The following TBX5 variants were observed in gnomAD, a reference collection of about 807,000 sequenced individuals.
The protein encoded by TBX5 is T-box transcription factor TBX5.
TBX5 carries 8 observed loss-of-function variants against 51.1 expected under a neutral mutation model. The observed-to-expected ratio is 0.16, with a 90% CI of 0.09 to 0.28. The LOEUF is 0.28. TBX5 is among the 10% of genes least tolerant of loss of function. TBX5 has a pLI of 1.00. For synonymous variants in TBX5, 302 were observed against 266.4 expected (o/e 1.13, Z -1.30); for missense variants, 589 against 671.7 (o/e 0.88, Z 1.36).
At chr12:114,370,004 C>A (rs945937298) in intron 7 of TBX5, among the ~76,000 whole-genome samples, 18 of 152,018 alleles carry the variant, frequency 1.2e-4, no homozygotes, top group Admixed American at 5.2e-4. Context: ...CCTGTAATTC[C>A]AGCACTTTGG....
At chr12:114,392,598 C>T (rs1187943586) in intron 6 of TBX5, among the ~76,000 whole-genome samples, 1 of 152,146 alleles carries the variant, frequency 6.6e-6, no homozygotes, top group Non-Finnish European at 1.5e-5. Context: ...TCCTATCCTC[C>T]TGTATGAACC....
intron 8 of TBX5, 175 bp downstream of exon 8, chr12:114,365,990 G>A (rs1869507960): frequency 7.8e-6 from 6 of 770,238 alleles, no homozygotes; most frequent in Non-Finnish European, 1.3e-5. Context: ...CATGTCAAGG[G>A]AACTTTTTGT....
In TBX5 at chr12:114,355,688, G is replaced by T; in HGVS notation, c.1401C>A (p.Val467=). ...GGCCAGTCTGAGGCCCACACTGCCT[G>T]ACCACAGGCTGGTGGGCCACGGAGG... ...HQTSVAHQPV[V]RQCGPQTGLQ... Residue 467 remains valine (V), a synonymous_variant, in exon 9 of 9, where the codon GTC becomes GTA. Transcript: ENST00000405440. 6.2e-7 allele frequency: 1 copy of T among 1,614,096 alleles called. No individual in the cohort carries two copies. Among genetic ancestry groups the T allele is most frequent in the South Asian group, 1.1e-5 (1 of 91,062 alleles).
chr12:114,383,309 G>A (rs1870615676), intron 7 of TBX5, among the ~76,000 whole-genome samples: 2 of 152,156 alleles, frequency 1.3e-5, no homozygotes, highest in African/African-American at 2.4e-5. Context: ...GAGAAGGAGG[G>A]AAAAGAGTTT....
At chr12:114,368,408 T>C (rs1869675213) in intron 7 of TBX5, among the ~76,000 whole-genome samples, 2 of 152,292 alleles carry the variant, frequency 1.3e-5, no homozygotes, top group South Asian at 4.1e-4. Context: ...AATAATATCA[T>C]GCGCAAAGAG....
upstream of TBX5, chr12:114,408,374 C>A (rs924286851): frequency 1.4e-5 from 3 of 211,960 alleles, no homozygotes; most frequent in African/African-American, 4.7e-5. Flanking sequence ...AGGTGGGAGT[C>A]CACCTCAGAC....
upstream of TBX5, chr12:114,407,095 C>A (rs1167777208): frequency 1.0e-6 from 1 of 985,166 alleles, no homozygotes; most frequent in African/African-American, 1.7e-5. Flanking sequence ...GGAGAAATGC[C>A]CCGAGGTCAG....
At chr12:114,362,121 C>T (rs78536205) in intron 8 of TBX5, among the ~76,000 whole-genome samples, 2,133 of 152,214 alleles carry the variant, frequency 0.014, 19 homozygotes, top group Non-Finnish European at 0.017. Context: ...CCACCCACAT[C>T]TCCAGCTTCT....
intron 6 of TBX5, among the ~76,000 whole-genome samples, chr12:114,389,818 C>A (rs1436802073): frequency 2.7e-5 from 4 of 148,174 alleles, no homozygotes. Context: ...TTCCTCCCAC[C>A]TCCCAGCCTG....
Position 114,355,437 on chromosome 12 carries a change from T to C in TBX5, c.*95A>G. The C allele has an allele frequency of 6.8e-7, 1 of 1,471,052 alleles. No individual in the cohort carries two copies. The highest frequency in any genetic ancestry group is 9.3e-7 in the Non-Finnish European group (1 of 1,071,424). 91.1% of individuals were successfully genotyped at this position (1,471,052 alleles called of 1,614,324 possible). A position where few individuals can be genotyped will look rare whatever the true frequency, so the allele number is the denominator to read the frequency against. On this transcript the variant is annotated 3_prime_UTR_variant, in exon 9 of 9. Transcript: ENST00000405440. ...TGGGTGAAATGAAAAATCTTGTCCG[T>C]GGGGTTCTCTTGGCTACTGTCTCTC... is the stretch of plus-strand genomic sequence containing the variant.
chr12:114,389,239 C>A (rs1405855115), intron 6 of TBX5, among the ~76,000 whole-genome samples: 1 of 151,958 alleles, frequency 6.6e-6, no homozygotes. Flanking sequence ...CAGATTTTTT[C>A]TTGACTCTTC....
At chr12:114,377,257 C>T (rs1211473839) in intron 7 of TBX5, among the ~76,000 whole-genome samples, 1 of 152,042 alleles carries the variant, frequency 6.6e-6, no homozygotes, top group East Asian at 1.9e-4. Context: ...GCTAAGCCTT[C>T]AGTTTGAAAA....
upstream of TBX5, among the ~76,000 whole-genome samples, chr12:114,407,287 C>A (rs140622589): frequency 4.2e-3 from 637 of 152,304 alleles, 2 homozygotes; most frequent in African/African-American, 0.014. Flanking sequence ...TTTCCCTTTG[C>A]CCAGGCGATG....
At position 114,376,190 on chromosome 12, in the gene TBX5, C is replaced by T. The variant is rs546053233; in HGVS notation, c.755+9286G>A. On this transcript the variant is annotated intron_variant, in intron 7 of 8. Transcript: ENST00000405440. ...CTACACTCCCATGATCATTGCAGCA[C>T]GATTCAAAAGAGCCAACATATGGAA... is the stretch of plus-strand genomic sequence containing the variant. Among the ~76,000 whole-genome samples, 21 of 152,068 alleles carry T rather than the reference C, an allele frequency of 1.4e-4. No homozygotes were observed. The East Asian group carries it at 1.7e-3, about 13-fold the overall frequency.
At chr12:114,382,765 C>T (rs1488766298) in intron 7 of TBX5, among the ~76,000 whole-genome samples, 2 of 152,122 alleles carry the variant, frequency 1.3e-5, no homozygotes, top group Middle Eastern at 3.4e-3. Flanking sequence ...CCACTGCACT[C>T]CAGCCTGGAT....
intron 7 of TBX5, among the ~76,000 whole-genome samples, chr12:114,380,401 C>T (rs1870442515): frequency 2.0e-5 from 3 of 152,198 alleles, no homozygotes; most frequent in African/African-American, 7.2e-5. Context: ...GTTCCCCAAA[C>T]CTTGATACGA....
chr12:114,357,932 G>T (rs1051386987), intron 8 of TBX5, among the ~76,000 whole-genome samples: 4 of 152,202 alleles, frequency 2.6e-5, no homozygotes, highest in African/African-American at 9.6e-5. Flanking sequence ...ACTAAATAAC[G>T]AGAGGAAATG....
At chr12:114,392,168 T>C (rs1427798239) in intron 6 of TBX5, among the ~76,000 whole-genome samples, 1 of 123,020 alleles carries the variant, frequency 8.1e-6, no homozygotes, top group Non-Finnish European at 1.6e-5. Context: ...CACGATTCCC[T>C]GGATTGCGCT....
Position 114,355,404 on chromosome 12 carries a change from G to A in TBX5, c.*128C>T. 1 of 1,204,098 alleles carries A rather than the reference G, an allele frequency of 8.3e-7. No individual in the cohort carries two copies. Among genetic ancestry groups the A allele is most frequent in the Non-Finnish European group, 1.2e-6 (1 of 839,142 alleles). The allele number at this position is 1,204,098 out of a possible 1,614,324, so 74.6% of individuals were successfully genotyped here. Reference sequence around the variant, plus strand: ...GCATCCAGCGACCTTGAGTGCAGATGTGAACATTGGGTGAAATGAAAAATC... The same window carrying A: ...GCATCCAGCGACCTTGAGTGCAGATATGAACATTGGGTGAAATGAAAAATC... On this transcript the variant is annotated 3_prime_UTR_variant, in exon 9 of 9. Transcript: ENST00000405440.
Sources: allele counts gnomAD v4.1 joint callset (sites outside exome capture counted in the v4.1 genomes callset), GRCh38; gene constraint gnomAD v4.1.1; transcripts MANE v1.5; gene names NCBI Gene and HGNC (gene_info 2026-07-23, HGNC 2026-07-21).